Variants in CRPPA observed in about 807,000 individuals in gnomAD.
The protein encoded by CRPPA is D-ribitol-5-phosphate cytidylyltransferase.
Under a neutral mutation model 52.0 loss-of-function variants are expected in CRPPA, and 43 were observed. The observed-to-expected ratio is 0.83, with a 90% confidence interval of 0.65 to 1.07. The LOEUF (loss-of-function observed/expected upper bound fraction) is 1.07, where lower values mean the gene tolerates loss of function less well. Among genes scored for constraint, CRPPA ranks in the 50% least tolerant of loss-of-function variants. The pLI, the probability that CRPPA is intolerant of heterozygous loss-of-function variation, is 0.00. For synonymous variants in CRPPA, 250 were observed against 203.5 expected (o/e 1.23, Z -1.94); for missense variants, 629 against 551.7 (o/e 1.14, Z -1.40).
chr7:16,271,774 A>G (rs543838562), intron 6 of CRPPA, among the ~76,000 whole-genome samples: 2 of 152,188 alleles, frequency 1.3e-5, no homozygotes, highest in Non-Finnish European at 2.9e-5. Flanking sequence ...TCCTTAGAAT[A>G]TTCATCACAA....
chr7:16,216,858 CG>C (rs1344556786), intron 8 of CRPPA, among the ~76,000 whole-genome samples: 1 of 151,362 alleles, frequency 6.6e-6, no homozygotes, highest in African/African-American at 2.4e-5. Context: ...GCAGCGAGGC[CG>C]GGGGAGGGGC....
At chr7:16,165,877 T>C (rs2128383579) in intron 9 of CRPPA, among the ~76,000 whole-genome samples, 1 of 152,340 alleles carries the variant, frequency 6.6e-6, no homozygotes, top group East Asian at 1.9e-4. Flanking sequence ...CATAACCCTT[T>C]TCAACCTGTA....
chr7:16,213,597 A>G (rs1235231504), intron 9 of CRPPA, among the ~76,000 whole-genome samples: 1 of 151,954 alleles, frequency 6.6e-6, no homozygotes, highest in Admixed American at 6.5e-5. Context: ...ACATATACAA[A>G]ATTTAACTGG....
At chr7:16,259,466 A>G (rs1783735163) in intron 6 of CRPPA, among the ~76,000 whole-genome samples, 1 of 152,020 alleles carries the variant, frequency 6.6e-6, no homozygotes, top group African/African-American at 2.4e-5. Context: ...AATCATCACA[A>G]CAATATAAGT....
intron 9 of CRPPA, among the ~76,000 whole-genome samples, chr7:16,175,018 C>T (rs796972072): frequency 5.9e-5 from 9 of 152,212 alleles, no homozygotes; most frequent in African/African-American, 1.9e-4. Context: ...TTTTGAGCAA[C>T]ATCTGGAAAT....
intron 8 of CRPPA, among the ~76,000 whole-genome samples, chr7:16,217,853 T>C (rs1319246256): frequency 6.6e-6 from 1 of 151,950 alleles, no homozygotes; most frequent in Non-Finnish European, 1.5e-5. Context: ...TGGAACCAAG[T>C]TGGAAAAAAC....
intron 3 of CRPPA, among the ~76,000 whole-genome samples, chr7:16,373,767 C>A (rs150009446): frequency 6.6e-6 from 1 of 152,184 alleles, no homozygotes; most frequent in East Asian, 1.9e-4. Flanking sequence ...ATGGCTAGAG[C>A]ATATATAAGG....
chr7:16,134,088 C>T lies in CRPPA; in HGVS notation c.1252-42289G>A, dbSNP rs1455923316. On this transcript the variant is annotated intron_variant, in intron 9 of 9. Transcript: ENST00000407010. Reference sequence around the variant, plus strand: ...CTGGGACTACAGGCGCCCGCCACCACGCCCGGCTAATTTTTTGTATTTTTA... The same window carrying T: ...CTGGGACTACAGGCGCCCGCCACCATGCCCGGCTAATTTTTTGTATTTTTA... 2.4e-5 allele frequency among the ~76,000 whole-genome samples: 3 copies of T among 123,728 alleles called. 1 individual carries two copies. The highest frequency in any genetic ancestry group is 5.5e-5 in the Non-Finnish European group (3 of 54,410). The allele number at this position is 123,728 out of a possible 152,430, so 81.2% of individuals were successfully genotyped here.
At chr7:16,384,392 A>G (rs1276601761) in intron 2 of CRPPA, among the ~76,000 whole-genome samples, 1 of 152,246 alleles carries the variant, frequency 6.6e-6, no homozygotes, top group Non-Finnish European at 1.5e-5. Flanking sequence ...AGTGAAAGCC[A>G]CGGGAAAACA....
At chr7:16,131,183 G>A (rs538257439) in intron 9 of CRPPA, among the ~76,000 whole-genome samples, 3 of 152,326 alleles carry the variant, frequency 2.0e-5, no homozygotes, top group East Asian at 3.9e-4. Context: ...AAAAAAAGTG[G>A]AAGAGACTTT....
chr7:16,192,091 G>C (rs912856352), intron 9 of CRPPA, among the ~76,000 whole-genome samples: 2 of 151,978 alleles, frequency 1.3e-5, no homozygotes, highest in African/African-American at 2.4e-5. Flanking sequence ...GCTCAGAGTG[G>C]TTCAAAAAAC....
intron 3 of CRPPA, among the ~76,000 whole-genome samples, chr7:16,371,668 A>G (rs929005026): frequency 6.6e-6 from 1 of 152,062 alleles, no homozygotes; most frequent in African/African-American, 2.4e-5. Flanking sequence ...AACAACCTAT[A>G]AAAGAACACA....
At chr7:16,271,210 A>C (rs914135816) in intron 6 of CRPPA, among the ~76,000 whole-genome samples, 5 of 152,142 alleles carry the variant, frequency 3.3e-5, no homozygotes, top group African/African-American at 1.2e-4. Context: ...ATAGATCAGC[A>C]TTCTTTAGGA....
chr7:16,410,499 C>T (rs1361440183), intron 1 of CRPPA, among the ~76,000 whole-genome samples: 1 of 152,194 alleles, frequency 6.6e-6, no homozygotes, highest in African/African-American at 2.4e-5. Flanking sequence ...GTGACCCAAA[C>T]GGTCATCTCT....
chr7:16,400,617 G>T (rs528332253), intron 2 of CRPPA, among the ~76,000 whole-genome samples: 2 of 152,138 alleles, frequency 1.3e-5, no homozygotes, highest in Non-Finnish European at 2.9e-5. Flanking sequence ...CAACACAACC[G>T]ACATGATGTG....
chr7:16,093,492 T>C (rs547573975), intron 9 of CRPPA, among the ~76,000 whole-genome samples: 1 of 152,316 alleles, frequency 6.6e-6, no homozygotes, highest in Admixed American at 6.5e-5. Context: ...CTTAAAGTGC[T>C]CTTTTCTATC....
intron 5 of CRPPA, among the ~76,000 whole-genome samples, chr7:16,290,961 G>C (rs1784551749): frequency 6.6e-6 from 1 of 151,912 alleles, no homozygotes; most frequent in Non-Finnish European, 1.5e-5. Context: ...TAATAAGTAG[G>C]CAAAGGACAC....
intron 2 of CRPPA, among the ~76,000 whole-genome samples, chr7:16,391,625 G>A (rs896152238): frequency 1.3e-5 from 2 of 152,028 alleles, no homozygotes; most frequent in Non-Finnish European, 2.9e-5. Flanking sequence ...TTTCCACTAG[G>A]AGCATTTTAA....
chr7:16,371,606 T>C (rs911827480), intron 3 of CRPPA, among the ~76,000 whole-genome samples: 3 of 149,988 alleles, frequency 2.0e-5, no homozygotes, highest in African/African-American at 4.9e-5. Flanking sequence ...TCTACCCAAA[T>C]AAGAAAGAAT....
Sources: allele counts gnomAD v4.1 joint callset (sites outside exome capture counted in the v4.1 genomes callset), GRCh38; gene constraint gnomAD v4.1.1; transcripts MANE v1.5; gene names NCBI Gene and HGNC (gene_info 2026-07-23, HGNC 2026-07-21).